Variants in CFAP298 observed in about 807,000 individuals in gnomAD.
CFAP298 encodes the protein cilia and flagella associated protein 298, also known as cilia- and flagella-associated protein 298.
In CFAP298, 38 loss-of-function variants were observed where a neutral mutation model predicts 41.0. The observed-to-expected ratio is 0.93, with a 90% CI of 0.72 to 1.22. The LOEUF is 1.22. Ranked by LOEUF, CFAP298 falls within the 50% of genes most tolerant of loss-of-function variation. The pLI is 0.00. For synonymous variants in CFAP298, 137 were observed against 135.3 expected (o/e 1.01, Z -0.09); for missense variants, 348 against 360.3 (o/e 0.97, Z 0.28).
At chr21:32,604,895 G>A (rs2038834345) in intron 3 of CFAP298, among the ~76,000 whole-genome samples, 1 of 152,230 alleles carries the variant, frequency 6.6e-6, no homozygotes. Context: ...GACCTAGTTG[G>A]CCAGATGTGG....
intron 3 of CFAP298, among the ~76,000 whole-genome samples, chr21:32,606,547 C>T (rs953827721): frequency 2.6e-5 from 4 of 152,308 alleles, no homozygotes; most frequent in African/African-American, 4.8e-5. Context: ...ACCACGCAAA[C>T]GACGGGCTCA....
chr21:32,602,095 G>C, intron 6 of CFAP298, 122 bp from the exon 7 acceptor site: 2 of 855,256 alleles, frequency 2.3e-6, no homozygotes, highest in Non-Finnish European at 3.9e-6. Context: ...GCAGGATACT[G>C]CCATGTCTAA....
In CFAP298 at chr21:32,612,153, C is replaced by G. The variant is rs1032119758; in HGVS notation, c.91G>C (p.Val31Leu). Residue 31 changes from valine (V) to leucine (L), a missense_variant, in exon 1 of 7, where the codon GTG becomes CTG. Coordinates refer to ENST00000290155, the MANE Select transcript of CFAP298 (RefSeq NM_021254.4). ...STELEELTVQ[V>L]ARVYNGRLKV... is the part of the protein sequence containing the mutation. Reference sequence around the variant, plus strand: ...AGCCGCCCATTATAGACCCGGGCCACCTGCACCGTGAGCTCCTCCAGCTCG... The same window carrying G: ...AGCCGCCCATTATAGACCCGGGCCAGCTGCACCGTGAGCTCCTCCAGCTCG... 2 of 1,584,504 alleles carry G rather than the reference C, an allele frequency of 1.3e-6. No homozygotes were observed. Among genetic ancestry groups the G allele is most frequent in the Non-Finnish European group, 1.7e-6 (2 of 1,165,874 alleles).
At chr21:32,602,149 A>C (rs1223658040) in intron 6 of CFAP298, 123 bp downstream of exon 6, 2 of 989,406 alleles carry the variant, frequency 2.0e-6, no homozygotes, top group Admixed American at 1.9e-5. Context: ...CTGCAGACAG[A>C]AGCTCTAGAA....
chr21:32,612,275 A>C lies in CFAP298; in HGVS notation c.-32T>G, dbSNP rs772152017. ...CCCGCCGAGGTACTGAGGCGTTGAGAAGGCCCCGGCTGCGTGGCCCGCGGG... is the reference window on the plus strand; with the variant it reads ...CCCGCCGAGGTACTGAGGCGTTGAGCAGGCCCCGGCTGCGTGGCCCGCGGG... On this transcript the variant is annotated 5_prime_UTR_variant, in exon 1 of 7. Transcript: ENST00000290155. The C allele has an allele frequency of 1.2e-5, 18 of 1,447,592 alleles. No homozygotes were observed. The Admixed American group carries it at 3.4e-4, about 27-fold the overall frequency. The allele number at this position is 1,447,592 out of a possible 1,614,324, so 89.7% of individuals were successfully genotyped here.
At chr21:32,606,007 C>T (rs375249586) in intron 3 of CFAP298, among the ~76,000 whole-genome samples, 1 of 152,192 alleles carries the variant, frequency 6.6e-6, no homozygotes, top group Non-Finnish European at 1.5e-5. Context: ...GCAGACGGTA[C>T]AGAACCCCAC....
intron 2 of CFAP298, 92 bp downstream of exon 2, chr21:32,609,746 G>T: frequency 1.7e-6 from 2 of 1,211,302 alleles, no homozygotes; most frequent in Non-Finnish European, 2.3e-6. Flanking sequence ...GCCTGGGCTA[G>T]AGCAAGAATC....
At chr21:32,607,568 G>A in intron 3 of CFAP298, 81 bp downstream of exon 3, 1 of 830,290 alleles carries the variant, frequency 1.2e-6, no homozygotes, top group South Asian at 1.6e-5. Flanking sequence ...ACTCCAGCCT[G>A]GGCAACAAAA....
chr21:32,601,841 A>G lies in CFAP298; in HGVS notation c.*22T>C, dbSNP rs753442400. ...GAGAAAGGTGAGCTAATCTCTTTGG[A>G]AGTGTCATCAGCTGGTGAACTTCAT... On this transcript the variant is annotated 3_prime_UTR_variant, in exon 7 of 7. Transcript: ENST00000290155. The G allele has an allele frequency of 7.8e-7, 1 of 1,277,418 alleles. No homozygotes were observed. The highest frequency in any genetic ancestry group is 1.2e-5 in the South Asian group (1 of 84,264). 79.1% of individuals were successfully genotyped at this position (1,277,418 alleles called of 1,614,324 possible).
At chr21:32,602,704 A>T in intron 5 of CFAP298, 1 of 1,237,430 alleles carries the variant, frequency 8.1e-7, no homozygotes, top group Non-Finnish European at 1.0e-6. Context: ...ATTTCCCCAA[A>T]ATCACAGCCT....
chr21:32,602,963 TA>T lies in CFAP298; in HGVS notation c.666+197del, dbSNP rs1293021339. ...CTCCCCCACATATTAAAACAAACTC[TA>T]GATATTGGTACTCAATCCATATTTT... On this transcript the variant is annotated intron_variant, in intron 5 of 6. Transcript: ENST00000290155. The T allele has an allele frequency of 2.2e-5, 23 of 1,032,052 alleles. No homozygotes were observed. In the African/African-American group the frequency reaches 3.2e-4, roughly 15 times the overall value. 63.9% of individuals were successfully genotyped at this position (1,032,052 alleles called of 1,614,324 possible).
intron 1 of CFAP298, among the ~76,000 whole-genome samples, chr21:32,611,341 T>TATATATATACATATATATA (rs1491095261): frequency 7.6e-5 from 9 of 118,428 alleles, no homozygotes; most frequent in African/African-American, 3.7e-4. Flanking sequence ...ATATATATAA[T>TATATATATACATATATATA]TTATTTATAT....
chr21:32,602,128 C>T, intron 6 of CFAP298, 144 bp downstream of exon 6: 1 of 898,830 alleles, frequency 1.1e-6, no homozygotes, highest in Non-Finnish European at 1.8e-6. Flanking sequence ...CCTGGCAGGA[C>T]CCCGACAGAC....
At chr21:32,605,533 T>A (rs1226195943) in intron 3 of CFAP298, among the ~76,000 whole-genome samples, 1 of 152,160 alleles carries the variant, frequency 6.6e-6, no homozygotes, top group East Asian at 1.9e-4. Flanking sequence ...ACGTGGCCAG[T>A]GGTTTAAGCC....
Position 32,607,824 on chromosome 21 carries a change from G to A in CFAP298, c.308-108C>T, listed in dbSNP as rs576758318. On this transcript the variant is annotated intron_variant, in intron 2 of 6. Coordinates refer to ENST00000290155, the MANE Select transcript of CFAP298 (RefSeq NM_021254.4). ...GTCAGGGGGTAAATGAACTGAGAGA[G>A]AGTGCGAGTGTGGAATTTAGGGAAG... 1.1e-4 allele frequency: 73 copies of A among 674,532 alleles called. No individual in the cohort carries two copies. The African/African-American group carries it at 1.1e-3, about 10-fold the overall frequency. The allele number at this position is 674,532 out of a possible 1,614,324, so 41.8% of individuals were successfully genotyped here.
intron 3 of CFAP298, among the ~76,000 whole-genome samples, chr21:32,605,684 C>T (rs1166754605): frequency 6.6e-6 from 1 of 152,200 alleles, no homozygotes; most frequent in East Asian, 1.9e-4. Flanking sequence ...TGTAGTCAAG[C>T]TGGACACAAG....
Position 32,601,968 on chromosome 21 carries a change from C to CA in CFAP298, c.767dup (p.Leu256PhefsTer5), listed in dbSNP as rs1411789589. 6.3e-7 allele frequency: 1 copy of CA among 1,577,266 alleles called. No individual in the cohort carries two copies. On this transcript the variant is annotated frameshift_variant, in exon 7 of 7. Coordinates refer to ENST00000290155, the MANE Select transcript of CFAP298 (RefSeq NM_021254.4). LOFTEE classifies it high-confidence loss of function. The stretch of plus-strand genomic sequence containing the variant: ...AATAGGCATCATCATCATTTTCTTC[C>CA]AATCTCTGGAAATAAGTATGTTTTA...
intron 3 of CFAP298, among the ~76,000 whole-genome samples, chr21:32,606,550 C>T (rs77459874): frequency 0.038 from 5,779 of 152,252 alleles, 160 homozygotes; most frequent in South Asian, 0.075. Flanking sequence ...ACGCAAACGA[C>T]GGGCTCAACC....
chr21:32,602,391 A>G lies in CFAP298; in HGVS notation c.667-24T>C, dbSNP rs755214255. On this transcript the variant is annotated intron_variant, in intron 5 of 6. Transcript: ENST00000290155. ...CTCTGCAAAGAGGAGAGCAGAGCAA[A>G]TTGTGGATTAAGGTGTTCTTAGAGT... 62 of 1,604,236 alleles carry G rather than the reference A, an allele frequency of 3.9e-5. 1 individual carries two copies. In the South Asian group the frequency reaches 6.1e-4, roughly 16 times the overall value.
Sources: gnomAD v4.1 joint callset for allele counts (sites outside exome capture counted in the v4.1 genomes callset) on GRCh38, gnomAD v4.1.1 for gene constraint, MANE v1.5 for transcripts, NCBI Gene and HGNC (gene_info 2026-07-23, HGNC 2026-07-21) for gene names.